The following CHRM3 variants were observed in gnomAD, a reference collection of about 807,000 sequenced individuals.
The protein encoded by CHRM3 is cholinergic receptor muscarinic 3, also known as muscarinic acetylcholine receptor M3.
A neutral mutation model predicts 41.8 loss-of-function variants in CHRM3; 11 were observed. The ratio of observed to expected loss-of-function variants is 0.26; its 90% CI spans 0.17 to 0.44. The LOEUF is 0.44. Ranked by LOEUF, CHRM3 falls within the 20% of genes least tolerant of loss-of-function variation. The pLI is 1.00. For synonymous variants in CHRM3, 297 were observed against 301.4 expected (o/e 0.99, Z 0.15); for missense variants, 571 against 745.4 (o/e 0.77, Z 2.72).
At position 239,415,833 on chromosome 1, in the gene CHRM3, C is replaced by G. The variant is rs370718796; in HGVS notation, c.-521+28606C>G. Among the ~76,000 whole-genome samples the G allele has an allele frequency of 6.6e-5, 10 of 152,306 alleles. No individual in the cohort carries two copies. In the East Asian group the frequency reaches 9.6e-4, roughly 15 times the overall value. On this transcript the variant is annotated intron_variant, in intron 1 of 6. Coordinates refer to ENST00000676153, the MANE Select transcript of CHRM3 (RefSeq NM_001375978.1). Reference sequence around the variant, plus strand: ...ATCTAGGCACTGAGGATAATGTTCTCTATGCAACTTGGATGCTGATTTAGT... The same window carrying G: ...ATCTAGGCACTGAGGATAATGTTCTGTATGCAACTTGGATGCTGATTTAGT...
rs1230128889 is a variant in CHRM3 at position 239,908,082 on chromosome 1, G to A, written c.631G>A (p.Val211Ile). ...APAILFWQYF[V>I]GKRTVPPGEC... ...TGCCATCTTGTTCTGGCAATACTTT[G>A]TTGGAAAGAGAACTGTGCCTCCGGG... Residue 211 changes from valine (V) to isoleucine (I), a missense_variant, in exon 7 of 7, where the codon GTT (valine) becomes ATT (isoleucine). Physicochemically the swap from Val to Ile is conservative, Grantham distance 29 (BLOSUM62 3). Coordinates refer to ENST00000676153, the MANE Select transcript of CHRM3 (RefSeq NM_001375978.1). This position sits in a 1 kb window ranked among gnomAD's most constrained non-coding sequence, Gnocchi z 7.2. 6.2e-7 allele frequency: 1 copy of A among 1,614,166 alleles called. No homozygotes were observed. The highest frequency in any genetic ancestry group is 8.5e-7 in the Non-Finnish European group (1 of 1,180,044).
intron 6 of CHRM3, among the ~76,000 whole-genome samples, chr1:239,838,453 T>C (rs1673511014): frequency 6.6e-6 from 1 of 152,208 alleles, no homozygotes. Context: ...GCTGTAATTG[T>C]CAAACAACAC....
chr1:239,439,034 T>G (rs1364918454), intron 1 of CHRM3, among the ~76,000 whole-genome samples: 1 of 152,196 alleles, frequency 6.6e-6, no homozygotes, highest in Non-Finnish European at 1.5e-5. Context: ...CCTAGCTTCA[T>G]ATCCAATTTC....
At chr1:239,482,396 C>G (rs1372851630) in intron 1 of CHRM3, among the ~76,000 whole-genome samples, 1 of 152,206 alleles carries the variant, frequency 6.6e-6, no homozygotes, top group Non-Finnish European at 1.5e-5. Context: ...AAAGAGTTTT[C>G]AAGCTTCTAC....
intron 3 of CHRM3, among the ~76,000 whole-genome samples, chr1:239,605,831 T>C (rs568472832): frequency 6.6e-6 from 1 of 152,324 alleles, no homozygotes; most frequent in South Asian, 2.1e-4. Flanking sequence ...CATTCAGGCA[T>C]TTATAACACT....
At chr1:239,458,136 G>A (rs187249113) in intron 1 of CHRM3, among the ~76,000 whole-genome samples, 4 of 152,216 alleles carry the variant, frequency 2.6e-5, no homozygotes, top group East Asian at 1.9e-4. Context: ...TACATAATAC[G>A]GGAGAGTACA....
intron 5 of CHRM3, among the ~76,000 whole-genome samples, chr1:239,800,259 A>G (rs1326884528): frequency 1.3e-5 from 2 of 152,100 alleles, no homozygotes; most frequent in Non-Finnish European, 2.9e-5. Flanking sequence ...AGCTCAGCAA[A>G]ATTCCAGTGG....
chr1:239,758,906 A>C (rs551373335), intron 5 of CHRM3, among the ~76,000 whole-genome samples: 5 of 152,204 alleles, frequency 3.3e-5, no homozygotes, highest in African/African-American at 9.6e-5. Flanking sequence ...TGCGATTTCT[A>C]ATCCTCATGC....
At chr1:239,517,755 G>A (rs890718218) in intron 2 of CHRM3, among the ~76,000 whole-genome samples, 2 of 152,142 alleles carry the variant, frequency 1.3e-5, no homozygotes, top group Non-Finnish European at 2.9e-5. Context: ...TAGGAAGCAA[G>A]ATTTTGATTG....
At chr1:239,529,906 AT>A (rs1008035806) in intron 2 of CHRM3, among the ~76,000 whole-genome samples, 3 of 151,002 alleles carry the variant, frequency 2.0e-5, no homozygotes, top group Admixed American at 6.6e-5. Context: ...TATTATTATT[AT>A]TTTTTTTTGA....
At chr1:239,822,193 T>C (rs1249200947) in intron 5 of CHRM3, among the ~76,000 whole-genome samples, 1 of 152,198 alleles carries the variant, frequency 6.6e-6, no homozygotes, top group Admixed American at 6.5e-5. Flanking sequence ...CTAAATTATA[T>C]CTTTCGAAAG....
intron 5 of CHRM3, among the ~76,000 whole-genome samples, chr1:239,821,721 A>G (rs1488589951): frequency 2.0e-5 from 3 of 152,224 alleles, no homozygotes; most frequent in African/African-American, 4.8e-5. Context: ...ATCAGAATAC[A>G]GTTTTCTAAA....
chr1:239,656,173 G>A (rs1054040042), intron 4 of CHRM3, among the ~76,000 whole-genome samples: 1 of 151,008 alleles, frequency 6.6e-6, no homozygotes, highest in Non-Finnish European at 1.5e-5. Flanking sequence ...GGAAGGGGGG[G>A]AAAGGGTTGA....
chr1:239,795,379 A>G (rs1465797797), intron 5 of CHRM3, among the ~76,000 whole-genome samples: 1 of 152,180 alleles, frequency 6.6e-6, no homozygotes, highest in Admixed American at 6.5e-5. Flanking sequence ...GTAACTCTTA[A>G]GTTTTGCTCA....
intron 5 of CHRM3, among the ~76,000 whole-genome samples, chr1:239,752,977 T>C (rs1665954481): frequency 6.6e-6 from 1 of 152,332 alleles, no homozygotes; most frequent in East Asian, 1.9e-4. Context: ...TAGAAGAAGA[T>C]AGGCAATTTT....
chr1:239,501,334 A>G (rs928292317), intron 2 of CHRM3, among the ~76,000 whole-genome samples: 1 of 152,196 alleles, frequency 6.6e-6, no homozygotes, highest in Non-Finnish European at 1.5e-5. Context: ...CATTCTGTTC[A>G]ACAGCACATG....
chr1:239,622,630 T>C (rs1668510830), intron 3 of CHRM3, among the ~76,000 whole-genome samples: 1 of 152,174 alleles, frequency 6.6e-6, no homozygotes, highest in South Asian at 2.1e-4. Flanking sequence ...ATGGGCCTGA[T>C]TTGCTGCTAT....
chr1:239,741,781 C>T (rs1664872785), intron 5 of CHRM3, among the ~76,000 whole-genome samples: 1 of 152,166 alleles, frequency 6.6e-6, no homozygotes, highest in African/African-American at 2.4e-5. Context: ...TAAACATAAT[C>T]AGAAGCTATA....
intron 5 of CHRM3, among the ~76,000 whole-genome samples, chr1:239,753,324 A>C (rs569961964): frequency 6.6e-6 from 1 of 152,272 alleles, no homozygotes; most frequent in South Asian, 2.1e-4. Flanking sequence ...ATAAAGAACT[A>C]CCCAAGACTT....
Sources: gnomAD v4.1 joint callset for allele counts (sites outside exome capture counted in the v4.1 genomes callset) on GRCh38, gnomAD v4.1.1 for gene constraint, Gnocchi (gnomAD v3.1) non-coding constraint, MANE v1.5 for transcripts, NCBI Gene and HGNC (gene_info 2026-07-23, HGNC 2026-07-21) for gene names.